CEP350: variants seen among roughly 807,000 people sequenced by gnomAD.
CEP350 encodes centrosome-associated protein 350.
In CEP350, 126 loss-of-function variants were observed where a neutral mutation model predicts 331.8. The ratio of observed to expected loss-of-function variants is 0.38; its 90% CI spans 0.33 to 0.44. The LOEUF is 0.44. Ranked by LOEUF, CEP350 falls within the 20% of genes least tolerant of loss-of-function variation. CEP350 has a pLI of 1.00. For synonymous variants in CEP350, 1,200 were observed against 1,259.5 expected, an observed-to-expected ratio of 0.95 and a Z score of 1.00; for missense variants, 3,406 against 3,634.6, an observed-to-expected ratio of 0.94 and a Z score of 1.62.
At chr1:180,047,778 A>AAG (rs1657229986) in intron 21 of CEP350, among the ~76,000 whole-genome samples, 1 of 149,886 alleles carries the variant, frequency 6.7e-6, no homozygotes, top group African/African-American at 2.4e-5. Context: ...AAAAAAAAAA[A>AAG]GAAAAGAAAA....
chr1:179,958,573 C>T (rs561877998), intron 1 of CEP350, among the ~76,000 whole-genome samples: 8 of 152,254 alleles, frequency 5.3e-5, no homozygotes, highest in Admixed American at 4.6e-4. Context: ...CTCCTGGAAC[C>T]ATGCGGTGGA....
Position 180,113,573 on chromosome 1 carries a change from AAAAAG to A in CEP350, c.*2417_*2421del, listed in dbSNP as rs1283364177. The stretch of plus-strand genomic sequence containing the variant: ...GGTTATCTGTAGTTTGGTAGCAAAA[AAAAAG>A]AAAAAAGAATCCATAATTAGCAGAT... On this transcript the variant is annotated 3_prime_UTR_variant, in exon 38 of 38. Coordinates refer to ENST00000367607, the MANE Select transcript of CEP350 (RefSeq NM_014810.5). 6.6e-6 allele frequency: 1 copy of A among 151,922 alleles called. No homozygotes were observed. The highest frequency in any genetic ancestry group is 1.5e-5 in the Non-Finnish European group (1 of 67,948). 9.4% of individuals were successfully genotyped at this position (151,922 alleles called of 1,614,324 possible). A position where few individuals can be genotyped will look rare whatever the true frequency, so the allele number is the denominator to read the frequency against.
chr1:180,104,787 C>G (rs573989753), intron 37 of CEP350, among the ~76,000 whole-genome samples: 1 of 152,218 alleles, frequency 6.6e-6, no homozygotes, highest in South Asian at 2.1e-4. Context: ...TTCACAGTAA[C>G]TTTTTCCTTG....
intron 17 of CEP350, 130 bp from the exon 18 acceptor site, chr1:180,041,008 T>C (rs1044432804): frequency 3.1e-6 from 2 of 647,570 alleles, no homozygotes; most frequent in Admixed American, 3.4e-5. Context: ...TTATTTTTAC[T>C]ATCTTTCCTT....
chr1:179,999,100 G>A (rs1470050214), intron 6 of CEP350, among the ~76,000 whole-genome samples: 4 of 152,094 alleles, frequency 2.6e-5, no homozygotes, highest in East Asian at 1.9e-4. Context: ...AATCTTTGCT[G>A]TAATTAAGTA....
intron 30 of CEP350, among the ~76,000 whole-genome samples, chr1:180,082,696 G>A (rs1319737490): frequency 6.6e-6 from 1 of 152,078 alleles, no homozygotes; most frequent in African/African-American, 2.4e-5. Flanking sequence ...TTCATCACCT[G>A]CTATTAAATC....
At chr1:180,032,359 A>G (rs1342311578) in intron 15 of CEP350, among the ~76,000 whole-genome samples, 2 of 152,044 alleles carry the variant, frequency 1.3e-5, no homozygotes, top group East Asian at 1.9e-4. Flanking sequence ...CATTAATACC[A>G]TTATTTCTGT....
At chr1:180,005,515 T>G (rs755956300) in intron 7 of CEP350, among the ~76,000 whole-genome samples, 7 of 152,178 alleles carry the variant, frequency 4.6e-5, no homozygotes, top group Non-Finnish European at 8.8e-5. Context: ...CAGTTTCCTA[T>G]CTGGATTATT....
At chr1:180,038,653 G>A (rs149671427) in intron 17 of CEP350, among the ~76,000 whole-genome samples, 8 of 152,134 alleles carry the variant, frequency 5.3e-5, no homozygotes, top group Admixed American at 4.6e-4. Flanking sequence ...TTGTCTTTTT[G>A]TGTATTTATT....
At chr1:179,963,176 C>G (rs567707014) in intron 1 of CEP350, among the ~76,000 whole-genome samples, 1 of 150,256 alleles carries the variant, frequency 6.7e-6, no homozygotes, top group Non-Finnish European at 1.5e-5. Context: ...TTTTCTTGTT[C>G]ATTTGTTTGA....
intron 19 of CEP350, 24 bp from the exon 20 acceptor site, chr1:180,043,032 T>C (rs1173692687): frequency 1.9e-6 from 3 of 1,603,518 alleles, no homozygotes; most frequent in Non-Finnish European, 2.6e-6. Flanking sequence ...TACATTTGCC[T>C]TTCTTGTGTG....
intron 21 of CEP350, among the ~76,000 whole-genome samples, chr1:180,046,762 AG>A (rs1260996359): frequency 6.6e-6 from 1 of 152,146 alleles, no homozygotes; most frequent in Non-Finnish European, 1.5e-5. Flanking sequence ...TAGCCATCTT[AG>A]GGGGGACCAT....
At chr1:179,975,560 A>T (rs1483163405) in intron 1 of CEP350, among the ~76,000 whole-genome samples, 1 of 152,114 alleles carries the variant, frequency 6.6e-6, no homozygotes, top group Non-Finnish European at 1.5e-5. Flanking sequence ...AGCTTTATGT[A>T]TGAGGCATAT....
intron 20 of CEP350, 93 bp from the exon 21 acceptor site, chr1:180,043,958 A>T: frequency 9.1e-7 from 1 of 1,096,086 alleles, no homozygotes; most frequent in African/African-American, 1.6e-5. Flanking sequence ...CTATTTGTTC[A>T]AGATTTTATC....
At position 180,093,764 on chromosome 1, in the gene CEP350, G is replaced by A. The variant is rs777621606; in HGVS notation, c.7659G>A (p.Lys2553=). The change falls in exon 34 of 38, where the codon AAG becomes AAA. Residue 2553 remains lysine (K), a synonymous_variant. Coordinates refer to ENST00000367607, the MANE Select transcript of CEP350 (RefSeq NM_014810.5). ...DGIAYFECKE[K]HGIFAPPQKI... is the part of the protein sequence containing the mutation. ...TTGCATATTTTGAGTGCAAAGAAAA[G>A]CATGGTATTTTTGCTCCTCCTCAAA... 1 of 1,613,844 alleles carries A rather than the reference G, an allele frequency of 6.2e-7. No individual in the cohort carries two copies. Among genetic ancestry groups the A allele is most frequent in the Admixed American group, 1.7e-5 (1 of 60,024 alleles).
intron 1 of CEP350, 61 bp from the exon 2 acceptor site, chr1:179,986,108 T>A: frequency 7.5e-7 from 1 of 1,332,890 alleles, no homozygotes; most frequent in South Asian, 1.3e-5. Flanking sequence ...TAATGATTTA[T>A]TTTTCTAAGG....
At chr1:179,983,700 G>A (rs1652450011) in intron 1 of CEP350, among the ~76,000 whole-genome samples, 1 of 152,102 alleles carries the variant, frequency 6.6e-6, no homozygotes, top group Admixed American at 6.6e-5. Context: ...ATTTAAATTG[G>A]TGTTTTTAAT....
chr1:179,985,192 A>G (rs796990279), intron 1 of CEP350, among the ~76,000 whole-genome samples: 11 of 151,974 alleles, frequency 7.2e-5, no homozygotes, highest in African/African-American at 2.7e-4. Flanking sequence ...CCACCATTCT[A>G]CTTTCTGTCT....
intron 25 of CEP350, among the ~76,000 whole-genome samples, chr1:180,061,670 G>A (rs74908267): frequency 0.013 from 1,926 of 152,250 alleles, 18 homozygotes; most frequent in Middle Eastern, 0.034. Context: ...TTGTAGACAG[G>A]GGCAGTCCTT....
Sources: gnomAD v4.1 joint callset for allele counts (sites outside exome capture counted in the v4.1 genomes callset) on GRCh38, gnomAD v4.1.1 for gene constraint, MANE v1.5 for transcripts, NCBI Gene and HGNC (gene_info 2026-07-23, HGNC 2026-07-21) for gene names.